Variants in CDYL observed in about 807,000 individuals in gnomAD.
CDYL encodes the protein chromodomain Y like, also known as chromodomain Y-like protein.
CDYL carries 8 observed loss-of-function variants against 47.3 expected under a neutral mutation model. The observed-to-expected ratio is 0.17, with a 90% CI of 0.10 to 0.31. The LOEUF (loss-of-function observed/expected upper bound fraction) is 0.31. Ranked by LOEUF, CDYL falls within the 10% of genes least tolerant of loss-of-function variation. CDYL has a pLI of 1.00. For synonymous variants in CDYL, 266 were observed against 265.0 expected (o/e 1.00, Z -0.04); for missense variants, 471 against 701.4 (o/e 0.67, Z 3.71).
chr6:4,813,862 C>T (rs1759595411), intron 1 of CDYL, among the ~76,000 whole-genome samples: 1 of 151,890 alleles, frequency 6.6e-6, no homozygotes, highest in Non-Finnish European at 1.5e-5. Flanking sequence ...CAGCCACAGC[C>T]TCCCAGGCTC....
At chr6:4,943,393 G>A (rs1168340887) in intron 4 of CDYL, among the ~76,000 whole-genome samples, 153 bp from the exon 5 acceptor site, 1 of 152,062 alleles carries the variant, frequency 6.6e-6, no homozygotes, top group Admixed American at 6.6e-5. Flanking sequence ...ATAAGTCTAG[G>A]GTCCACAACT....
In CDYL at chr6:4,891,693, T is replaced by C; in HGVS notation, c.25-20T>C. 2 of 1,558,484 alleles carry C rather than the reference T, an allele frequency of 1.3e-6. No homozygotes were observed. The highest frequency in any genetic ancestry group is 1.7e-6 in the Non-Finnish European group (2 of 1,154,922). On this transcript the variant is annotated intron_variant, in intron 1 of 6. Coordinates refer to ENST00000397588, the MANE Select transcript of CDYL (RefSeq NM_004824.4). The stretch of plus-strand genomic sequence containing the variant: ...CAAATTTTGATTTTTTTAAAACTAT[T>C]TTTTTCCTTTTATGAACAGGTTGAA...
intron 1 of CDYL, among the ~76,000 whole-genome samples, chr6:4,779,819 C>T (rs1251185293): frequency 6.6e-6 from 1 of 152,180 alleles, no homozygotes; most frequent in South Asian, 2.1e-4. Context: ...GTTGCAACCA[C>T]TCAGCTCACC....
At chr6:4,852,803 G>GTTTTTTTTTTTT (rs1163412177) in intron 1 of CDYL, among the ~76,000 whole-genome samples, 1 of 147,544 alleles carries the variant, frequency 6.8e-6, no homozygotes, top group African/African-American at 2.7e-5. Flanking sequence ...GGGTTTCTTT[G>GTTTTTTTTTTTT]TTCTTTTTTT....
At chr6:4,926,291 G>C (rs1185106450) in intron 2 of CDYL, among the ~76,000 whole-genome samples, 2 of 152,118 alleles carry the variant, frequency 1.3e-5, no homozygotes, top group South Asian at 4.1e-4. Flanking sequence ...GTTTTGTATA[G>C]GTGAATAGGA....
chr6:4,896,463 G>T (rs1204028725), intron 2 of CDYL, among the ~76,000 whole-genome samples: 1 of 152,228 alleles, frequency 6.6e-6, no homozygotes, highest in African/African-American at 2.4e-5. Flanking sequence ...AGTAGAATGG[G>T]TGCGCATGGA....
At chr6:4,726,193 G>C (rs998029148) in intron 2 of CDYL, among the ~76,000 whole-genome samples, 2 of 152,192 alleles carry the variant, frequency 1.3e-5, no homozygotes, top group Non-Finnish European at 2.9e-5. Context: ...CAGATAACTT[G>C]AATTCAGGAG....
chr6:4,881,329 ATAT>A (rs1561684564), intron 1 of CDYL, among the ~76,000 whole-genome samples: 1 of 151,470 alleles, frequency 6.6e-6, no homozygotes, highest in African/African-American at 2.4e-5. Context: ...ATACTTGTTG[ATAT>A]TATTATGGTT....
At chr6:4,716,204 G>C (rs574322661) in intron 2 of CDYL, among the ~76,000 whole-genome samples, 16 of 150,588 alleles carry the variant, frequency 1.1e-4, no homozygotes, top group African/African-American at 3.9e-4. Context: ...GCCCGAGATC[G>C]CGCCACTGTA....
intron 5 of CDYL, among the ~76,000 whole-genome samples, chr6:4,946,916 C>T (rs1044639929): frequency 4.6e-5 from 7 of 152,178 alleles, no homozygotes; most frequent in African/African-American, 7.2e-5. Context: ...CTCAGCAGGG[C>T]CCCCACCTCC....
intron 1 of CDYL, among the ~76,000 whole-genome samples, chr6:4,857,314 A>G (rs1761038918): frequency 6.6e-6 from 1 of 152,204 alleles, no homozygotes; most frequent in Admixed American, 6.5e-5. Flanking sequence ...TTTCAGAATT[A>G]CCCAAATTTC....
intron 1 of CDYL, among the ~76,000 whole-genome samples, chr6:4,873,003 A>G (rs1242647356): frequency 6.6e-6 from 1 of 152,248 alleles, no homozygotes; most frequent in South Asian, 2.1e-4. Context: ...CTGAAGAATA[A>G]TACAGTTGTT....
intron 1 of CDYL, among the ~76,000 whole-genome samples, chr6:4,863,273 G>A (rs190935348): frequency 6.6e-6 from 1 of 152,172 alleles, no homozygotes; most frequent in Admixed American, 6.5e-5. Flanking sequence ...TTTGAGTAAT[G>A]GGTTCACGAG....
chr6:4,720,126 A>C (rs1443379695), intron 2 of CDYL, among the ~76,000 whole-genome samples: 5 of 152,240 alleles, frequency 3.3e-5, no homozygotes, highest in Admixed American at 6.5e-5. Flanking sequence ...GTTTCCTGGG[A>C]AAATCTGGGA....
At chr6:4,797,477 A>G (rs1409742549) in intron 1 of CDYL, among the ~76,000 whole-genome samples, 2 of 139,292 alleles carry the variant, frequency 1.4e-5, no homozygotes, top group Non-Finnish European at 3.1e-5. Context: ...TTCTCCTTTT[A>G]AAGTATGTAG....
chr6:4,749,998 G>A (rs993788477), intron 3 of CDYL, among the ~76,000 whole-genome samples: 1 of 152,014 alleles, frequency 6.6e-6, no homozygotes, highest in Non-Finnish European at 1.5e-5. Flanking sequence ...TTTGGAGCAC[G>A]TCTCTCTTCA....
chr6:4,863,250 A>G (rs1181137282), intron 1 of CDYL, among the ~76,000 whole-genome samples: 1 of 152,190 alleles, frequency 6.6e-6, no homozygotes, highest in East Asian at 1.9e-4. Flanking sequence ...CCTGTTGGGT[A>G]CCGTGTTCAC....
intron 2 of CDYL, among the ~76,000 whole-genome samples, chr6:4,900,752 A>G (rs1294079472): frequency 9.1e-6 from 1 of 109,674 alleles, no homozygotes; most frequent in Non-Finnish European, 1.7e-5. Flanking sequence ...GTTTGCATTC[A>G]TTCTTCTGTT....
At chr6:4,719,192 T>C (rs936413811) in intron 2 of CDYL, among the ~76,000 whole-genome samples, 2 of 152,162 alleles carry the variant, frequency 1.3e-5, no homozygotes, top group African/African-American at 4.8e-5. Flanking sequence ...CTCAAAGTGC[T>C]GTAAGCCACC....
Sources: allele counts gnomAD v4.1 joint callset (sites outside exome capture counted in the v4.1 genomes callset), GRCh38; gene constraint gnomAD v4.1.1; transcripts MANE v1.5; gene names NCBI Gene and HGNC (gene_info 2026-07-23, HGNC 2026-07-21).